GALNT5: variants seen among roughly 807,000 people sequenced by gnomAD.
The protein encoded by GALNT5 is polypeptide N-acetylgalactosaminyltransferase 5.
GALNT5 carries 72 observed loss-of-function variants against 85.4 expected under a neutral mutation model. The ratio of observed to expected loss-of-function variants is 0.84; its 90% CI spans 0.70 to 1.03. GALNT5 has a LOEUF of 1.03. GALNT5 is among the 50% of genes least tolerant of loss of function. The probability of loss-of-function intolerance (pLI) is 0.00; values close to 1 mark genes in which losing one functional copy is unlikely to be tolerated. For synonymous variants in GALNT5, 404 were observed against 397.0 expected (o/e 1.02, Z -0.21); for missense variants, 1,137 against 1,135.5 (o/e 1.00, Z -0.02).
Position 157,258,193 on chromosome 2 carries a change from C to A in GALNT5, c.111C>A (p.Phe37Leu). Residue 37 changes from phenylalanine (F) to leucine (L), a missense_variant, in exon 1 of 10, where the codon TTC becomes TTA. Physicochemically the swap from Phe to Leu is conservative, Grantham distance 22. Coordinates refer to ENST00000259056, the MANE Select transcript of GALNT5 (RefSeq NM_014568.3). ...LFDMAALRLS[F>L]SEINTRVIKE... ...ACATGGCAGCTCTCCGCCTCTCATT[C>A]AGTGAGATCAACACTCGGGTCATCA... The A allele has an allele frequency of 6.2e-7, 1 of 1,613,736 alleles. No homozygotes were observed. Among genetic ancestry groups the A allele is most frequent in the South Asian group, 1.1e-5 (1 of 91,056 alleles).
intron 1 of GALNT5, among the ~76,000 whole-genome samples, chr2:157,270,994 T>G (rs1167377237): frequency 6.6e-6 from 1 of 151,982 alleles, no homozygotes; most frequent in Non-Finnish European, 1.5e-5. Context: ...CAGGTGCCTG[T>G]AGTCCCAGCT....
chr2:157,307,042 G>GA (rs1683468878), intron 8 of GALNT5, among the ~76,000 whole-genome samples: 1 of 151,592 alleles, frequency 6.6e-6, no homozygotes, highest in Non-Finnish European at 1.5e-5. Context: ...TCATAGCAGG[G>GA]AGTTTTTGTG....
chr2:157,274,375 T>C (rs1031921063), intron 1 of GALNT5, among the ~76,000 whole-genome samples: 5 of 152,216 alleles, frequency 3.3e-5, no homozygotes, highest in Non-Finnish European at 5.9e-5. Flanking sequence ...GAATGGTATT[T>C]CTAGTTCTAG....
At chr2:157,283,598 T>G (rs141920439) in intron 1 of GALNT5, among the ~76,000 whole-genome samples, 1 of 152,298 alleles carries the variant, frequency 6.6e-6, no homozygotes, top group Admixed American at 6.5e-5. Flanking sequence ...ATATATATTA[T>G]GCCATAAGTA....
chr2:157,271,107 A>T (rs963119556), intron 1 of GALNT5, among the ~76,000 whole-genome samples: 1 of 152,216 alleles, frequency 6.6e-6, no homozygotes, highest in Non-Finnish European at 1.5e-5. Flanking sequence ...TGTCTCAAAA[A>T]AAAAAAAAAT....
intron 5 of GALNT5, among the ~76,000 whole-genome samples, chr2:157,297,969 GTTTT>G (rs751581726): frequency 6.6e-6 from 1 of 152,242 alleles, no homozygotes; most frequent in South Asian, 2.1e-4. Context: ...TTGAGCCTCT[GTTTT>G]TTTATTTTTA....
chr2:157,286,892 CAG>C (rs1491141569), intron 3 of GALNT5, among the ~76,000 whole-genome samples: 3 of 121,286 alleles, frequency 2.5e-5, no homozygotes, highest in Admixed American at 8.0e-5. Context: ...GTTTAAATAC[CAG>C]TGTGTGTGTG....
In GALNT5 at chr2:157,318,319, A is replaced by G. The variant is rs1440263901; in HGVS notation, c.*6971A>G. 2.0e-5 allele frequency among the ~76,000 whole-genome samples: 3 copies of G among 152,132 alleles called. No homozygotes were observed. The highest frequency in any genetic ancestry group is 7.2e-5 in the African/African-American group (3 of 41,436). On this transcript the variant is annotated 3_prime_UTR_variant, in exon 10 of 10. Transcript: ENST00000259056. ...ATGTATTACTCTGATGATTACAGAG[A>G]TTTCTTCAAGTTGTTCGTGTTAAGA...
At chr2:157,283,421 G>GA (rs1343470054) in intron 1 of GALNT5, among the ~76,000 whole-genome samples, 2 of 152,118 alleles carry the variant, frequency 1.3e-5, no homozygotes, top group East Asian at 3.9e-4. Context: ...CAGGGCATGG[G>GA]AAAAAACCCA....
At chr2:157,287,305 G>A (rs1683002847) in intron 3 of GALNT5, among the ~76,000 whole-genome samples, 1 of 152,108 alleles carries the variant, frequency 6.6e-6, no homozygotes, top group African/African-American at 2.4e-5. Context: ...ACTGAGGACT[G>A]AAAATTTGCT....
At chr2:157,268,420 G>C (rs1682506858) in intron 1 of GALNT5, among the ~76,000 whole-genome samples, 1 of 152,182 alleles carries the variant, frequency 6.6e-6, no homozygotes, top group Non-Finnish European at 1.5e-5. Flanking sequence ...CTCAAAATGT[G>C]TGTATTTGCA....
chr2:157,317,116 G>C lies in GALNT5; in HGVS notation c.*5768G>C, dbSNP rs965405000. Among the ~76,000 whole-genome samples, 6 of 148,086 alleles carry C rather than the reference G, an allele frequency of 4.1e-5. No homozygotes were observed. Among genetic ancestry groups the C allele is most frequent in the African/African-American group, 7.4e-5 (3 of 40,444 alleles). The stretch of plus-strand genomic sequence containing the variant: ...ATTAAAATTTTTCATAGCATGAATA[G>C]ATTTTTAAGTGACCACTCAAAAACA... On this transcript the variant is annotated 3_prime_UTR_variant, in exon 10 of 10. Coordinates refer to ENST00000259056, the MANE Select transcript of GALNT5 (RefSeq NM_014568.3).
chr2:157,259,684 C>T, intron 1 of GALNT5, 148 bp downstream of exon 1: 1 of 572,386 alleles, frequency 1.7e-6, no homozygotes, highest in Non-Finnish European at 2.7e-6. Flanking sequence ...AAATATTTCA[C>T]CAGCTACAGA....
chr2:157,263,091 T>C (rs1368110008), intron 1 of GALNT5, among the ~76,000 whole-genome samples: 5 of 151,660 alleles, frequency 3.3e-5, no homozygotes, highest in African/African-American at 1.2e-4. Context: ...CCTCCCAAAA[T>C]GCTGGGATTG....
chr2:157,316,584 A>G lies in GALNT5; in HGVS notation c.*5236A>G, dbSNP rs142005565. ...CAACAACTTTTGCATGGGTTACTCA[A>G]TAGTTGCTACAAGACAAAATGCCTT... On this transcript the variant is annotated 3_prime_UTR_variant, in exon 10 of 10. Transcript: ENST00000259056. Among the ~76,000 whole-genome samples the G allele has an allele frequency of 5.0e-4, 76 of 152,260 alleles. No individual in the cohort carries two copies. Among genetic ancestry groups the G allele is most frequent in the African/African-American group, 1.8e-3 (74 of 41,552 alleles).
At position 157,300,688 on chromosome 2, in the gene GALNT5, G is replaced by T. The variant is rs1231272887; in HGVS notation, c.2128G>T (p.Gly710Cys). The T allele has an allele frequency of 2.5e-6, 4 of 1,610,456 alleles. No individual in the cohort carries two copies. Among genetic ancestry groups the T allele is most frequent in the African/African-American group, 1.3e-5 (1 of 74,844 alleles). The change falls in exon 7 of 10, where the codon GGT (glycine) becomes TGT (cysteine). Residue 710 changes from glycine (G) to cysteine (C), a missense_variant. Physicochemically the swap from Gly to Cys is radical, Grantham distance 159. Transcript: ENST00000259056. ...MELSFKVWMCGGEIEIIPCSR... is the reference protein window; with the variant it reads ...MELSFKVWMCCGEIEIIPCSR... ...CAAATTCTTCCAGGTGTGGATGTGT[G>T]GTGGTGAAATTGAGATCATTCCCTG... is the stretch of plus-strand genomic sequence containing the variant.
At chr2:157,306,410 T>C (rs1424329323) in intron 8 of GALNT5, among the ~76,000 whole-genome samples, 1 of 152,080 alleles carries the variant, frequency 6.6e-6, no homozygotes, top group Non-Finnish European at 1.5e-5. Context: ...GAAACTCCTA[T>C]AGGAAAACTC....
intron 1 of GALNT5, among the ~76,000 whole-genome samples, chr2:157,280,468 C>T (rs1255082615): frequency 6.6e-6 from 1 of 152,188 alleles, no homozygotes; most frequent in African/African-American, 2.4e-5. Flanking sequence ...TCCCCTACAA[C>T]ATATGGAGGG....
At chr2:157,295,541 A>C in intron 3 of GALNT5, 122 bp from the exon 4 acceptor site, 1 of 720,632 alleles carries the variant, frequency 1.4e-6, no homozygotes, top group Non-Finnish European at 2.3e-6. Flanking sequence ...TCAGAAAAAA[A>C]AAAAAAGGTC....
Sources: gnomAD v4.1 joint callset for allele counts (sites outside exome capture counted in the v4.1 genomes callset) on GRCh38, gnomAD v4.1.1 for gene constraint, MANE v1.5 for transcripts, NCBI Gene and HGNC (gene_info 2026-07-23, HGNC 2026-07-21) for gene names.